The following TENM2 variants were observed in gnomAD, a reference collection of about 807,000 sequenced individuals.
TENM2 encodes the protein teneurin-2.
A neutral mutation model predicts 245.2 loss-of-function variants in TENM2; 52 were observed. The ratio of observed to expected loss-of-function variants is 0.21; its 90% CI spans 0.17 to 0.27. TENM2 has a LOEUF of 0.27. Among genes scored for constraint, TENM2 ranks in the 10% least tolerant of loss-of-function variants. TENM2 has a pLI of 1.00. For missense variants in TENM2, 3,046 were observed against 3,666.8 expected (o/e 0.83, Z 4.37); for synonymous variants, 1,363 against 1,438.9 (o/e 0.95, Z 1.19).
intron 10 of TENM2, among the ~76,000 whole-genome samples, chr5:168,122,217 C>A (rs1795517396): frequency 6.6e-6 from 1 of 152,224 alleles, no homozygotes; most frequent in Admixed American, 6.5e-5. Context: ...CGCTCTGTCA[C>A]CCAGGCTGGG....
At chr5:167,316,546 T>C (rs919580075) in intron 1 of TENM2, among the ~76,000 whole-genome samples, 3 of 152,206 alleles carry the variant, frequency 2.0e-5, no homozygotes, top group African/African-American at 7.2e-5. Flanking sequence ...TTCAGTTAGG[T>C]ATGAGTATCC....
chr5:167,875,937 T>A lies in TENM2; in HGVS notation c.503-49T>A. 2.3e-6 allele frequency: 3 copies of A among 1,323,496 alleles called. No individual in the cohort carries two copies. In the Admixed American group the frequency reaches 5.9e-5, roughly 26 times the overall value. 82.0% of individuals were successfully genotyped at this position (1,323,496 alleles called of 1,614,324 possible). On this transcript the variant is annotated intron_variant, in intron 2 of 28. Coordinates refer to ENST00000518659, the Ensembl canonical transcript of TENM2. ...TTTCAATGTAACTTTCTTGGGGTGC[T>A]CTCGTGACACTCATTGCTGACCTTT...
At position 167,724,274 on chromosome 5, in the gene TENM2, T is replaced by C. The variant is rs193195488; in HGVS notation, c.503-151712T>C. On this transcript the variant is annotated intron_variant, in intron 2 of 28. Coordinates refer to ENST00000518659, the Ensembl canonical transcript of TENM2. ...AAATGGTTTTGGAAAAGACAATCTG[T>C]GGATAAATTACTAGTTTTTTTTTTT... Among the ~76,000 whole-genome samples, 13 of 152,046 alleles carry C rather than the reference T, an allele frequency of 8.6e-5. 1 individual carries two copies. In the East Asian group the frequency reaches 2.5e-3, roughly 29 times the overall value.
chr5:167,706,000 TTTATTTATTTAC>T lies in TENM2; in HGVS notation c.503-169977_503-169966del, dbSNP rs1431814935. 3.8e-3 allele frequency among the ~76,000 whole-genome samples: 503 copies of T among 134,000 alleles called. 1 individual carries two copies. The highest frequency in any genetic ancestry group is 0.031 in the Middle Eastern group (8 of 262). 87.9% of individuals were successfully genotyped at this position (134,000 alleles called of 152,430 possible). A position where few individuals can be genotyped will look rare whatever the true frequency, so the allele number is the denominator to read the frequency against. ...ATATATATATATATATATTTATTTA[TTTATTTATTTAC>T]TTATTTATATTATATATTATATATA... On this transcript the variant is annotated intron_variant, in intron 2 of 28. Transcript: ENST00000518659.
chr5:167,920,677 A>G (rs943792881), intron 3 of TENM2, among the ~76,000 whole-genome samples: 3 of 152,132 alleles, frequency 2.0e-5, no homozygotes, highest in African/African-American at 7.2e-5. Context: ...TATAAACTCT[A>G]AGGAGATAAA....
intron 2 of TENM2, among the ~76,000 whole-genome samples, chr5:167,582,925 A>C (rs1775195592): frequency 6.6e-6 from 1 of 152,194 alleles, no homozygotes; most frequent in Non-Finnish European, 1.5e-5. Context: ...GTTCTTATGA[A>C]CTAAGTGTCC....
intron 25 of TENM2, among the ~76,000 whole-genome samples, chr5:168,234,580 C>G (rs1023303476): frequency 7.2e-5 from 11 of 152,192 alleles, no homozygotes; most frequent in African/African-American, 2.7e-4. Context: ...TCTAAAACTC[C>G]TGGCCCTGAG....
the TENM2 span, among the ~76,000 whole-genome samples, chr5:167,015,450 C>G: frequency 6.6e-6 from 1 of 152,160 alleles, no homozygotes; most frequent in Non-Finnish European, 1.5e-5. Flanking sequence ...GGCACTTCTC[C>G]ACACAGCATA....
chr5:167,077,685 G>A, the TENM2 span, among the ~76,000 whole-genome samples: 1 of 152,276 alleles, frequency 6.6e-6, no homozygotes, highest in East Asian at 1.9e-4. Context: ...GCTCATTTAT[G>A]TTTGTCAACT....
chr5:167,232,336 G>T, the TENM2 span, among the ~76,000 whole-genome samples: 1 of 151,960 alleles, frequency 6.6e-6, no homozygotes, highest in South Asian at 2.1e-4. Context: ...GCCTGTGAAA[G>T]TAACAAGCAA....
the TENM2 span, among the ~76,000 whole-genome samples, chr5:167,135,415 G>A: frequency 1.2e-4 from 18 of 152,126 alleles, no homozygotes; most frequent in Non-Finnish European, 2.2e-4. Context: ...TTCTAGCTCA[G>A]TTATCAAAGT....
intron 13 of TENM2, among the ~76,000 whole-genome samples, chr5:168,167,595 C>G (rs938723421): frequency 6.6e-6 from 1 of 152,158 alleles, no homozygotes; most frequent in Non-Finnish European, 1.5e-5. Context: ...CCCGTCACCC[C>G]GCATCACTTT....
At chr5:167,408,152 A>T (rs1762729419) in intron 2 of TENM2, among the ~76,000 whole-genome samples, 1 of 152,144 alleles carries the variant, frequency 6.6e-6, no homozygotes, top group South Asian at 2.1e-4. Context: ...AACATATCAG[A>T]GACAAACTAT....
chr5:167,530,915 T>C (rs1177093210), intron 2 of TENM2, among the ~76,000 whole-genome samples: 1 of 152,172 alleles, frequency 6.6e-6, no homozygotes, highest in Admixed American at 6.5e-5. Flanking sequence ...CATTAACTCT[T>C]CCGTCTGAGT....
intron 4 of TENM2, among the ~76,000 whole-genome samples, chr5:167,979,393 G>A (rs1003821039): frequency 2.0e-5 from 3 of 152,078 alleles, no homozygotes; most frequent in Admixed American, 1.3e-4. Context: ...TCTGTAGGTG[G>A]GCAGAGAGGT....
intron 1 of TENM2, among the ~76,000 whole-genome samples, chr5:167,374,204 T>C (rs1760607425): frequency 1.3e-5 from 2 of 152,226 alleles, no homozygotes; most frequent in Admixed American, 1.3e-4. Flanking sequence ...ACTGTATTTT[T>C]AGTGTATCTT....
intron 1 of TENM2, among the ~76,000 whole-genome samples, chr5:167,317,268 A>G: frequency 6.6e-6 from 1 of 152,176 alleles, no homozygotes; most frequent in Admixed American, 6.5e-5. Context: ...TTTGACATCA[A>G]TTGATTTTAT....
chr5:167,762,489 T>A (rs1762747683), intron 2 of TENM2, among the ~76,000 whole-genome samples: 1 of 152,218 alleles, frequency 6.6e-6, no homozygotes, highest in African/African-American at 2.4e-5. Context: ...CTCTTGCCCA[T>A]GTGAAAACCT....
At chr5:167,856,986 G>C (rs1771152549) in intron 2 of TENM2, among the ~76,000 whole-genome samples, 1 of 152,134 alleles carries the variant, frequency 6.6e-6, no homozygotes, top group Admixed American at 6.5e-5. Flanking sequence ...TACTTTGTTA[G>C]GAGCTTTGGG....
Sources: gnomAD v4.1 joint callset for allele counts (sites outside exome capture counted in the v4.1 genomes callset) on GRCh38, gnomAD v4.1.1 for gene constraint, MANE v1.5 for transcripts, NCBI Gene and HGNC (gene_info 2026-07-23, HGNC 2026-07-21) for gene names.